Variants in PTPRD observed in about 807,000 individuals in gnomAD.
The protein encoded by PTPRD is protein tyrosine phosphatase receptor type D, also known as receptor-type tyrosine-protein phosphatase delta.
PTPRD carries 34 observed loss-of-function variants against 214.5 expected under a neutral mutation model. The ratio of observed to expected loss-of-function variants is 0.16; its 90% CI spans 0.12 to 0.21. The LOEUF is 0.21. Ranked by LOEUF, PTPRD falls within the 10% of genes least tolerant of loss-of-function variation. The pLI is 1.00. For missense variants in PTPRD, 2,545 were observed against 2,398.7 expected, an observed-to-expected ratio of 1.06 and a Z score of -1.27; for synonymous variants, 1,128 against 845.7, an observed-to-expected ratio of 1.33 and a Z score of -5.79.
chr9:9,589,145 G>C (rs941917418), intron 7 of PTPRD, among the ~76,000 whole-genome samples: 5 of 151,912 alleles, frequency 3.3e-5, no homozygotes, highest in Non-Finnish European at 7.4e-5. Flanking sequence ...GTATGAAATT[G>C]TGAAAACTGT....
At chr9:8,624,864 A>G (rs1432204337) in intron 14 of PTPRD, among the ~76,000 whole-genome samples, 1 of 151,774 alleles carries the variant, frequency 6.6e-6, no homozygotes, top group Non-Finnish European at 1.5e-5. Context: ...TTGACTCTCA[A>G]TCACGCTCTT....
intron 9 of PTPRD, among the ~76,000 whole-genome samples, chr9:9,385,123 T>C (rs2063491366): frequency 6.6e-6 from 1 of 152,078 alleles, no homozygotes; most frequent in South Asian, 2.1e-4. Context: ...GTAGACATAA[T>C]ATCAACAGAA....
chr9:8,919,555 G>C (rs1460865218), intron 11 of PTPRD, among the ~76,000 whole-genome samples: 1 of 151,996 alleles, frequency 6.6e-6, no homozygotes, highest in Non-Finnish European at 1.5e-5. Flanking sequence ...TGATTAATGA[G>C]GGCATTGTGT....
chr9:8,482,326 C>G (rs2096904997), intron 30 of PTPRD, among the ~76,000 whole-genome samples: 1 of 152,080 alleles, frequency 6.6e-6, no homozygotes, highest in Non-Finnish European at 1.5e-5. Flanking sequence ...TCATGTCTAC[C>G]TCTGCATCCT....
chr9:10,381,777 G>A (rs1199211873), intron 2 of PTPRD, among the ~76,000 whole-genome samples: 2 of 151,844 alleles, frequency 1.3e-5, no homozygotes, highest in Non-Finnish European at 2.9e-5. Flanking sequence ...TAGTGTGGAG[G>A]AAAATAATAT....
intron 7 of PTPRD, among the ~76,000 whole-genome samples, chr9:9,646,352 T>G (rs1299451040): frequency 2.0e-5 from 3 of 150,842 alleles, no homozygotes; most frequent in Middle Eastern, 3.4e-3. Flanking sequence ...TGGGTGTGTG[T>G]GTGTGTGTGT....
intron 9 of PTPRD, among the ~76,000 whole-genome samples, chr9:9,331,966 C>T (rs187971698): frequency 2.0e-5 from 3 of 152,060 alleles, no homozygotes; most frequent in African/African-American, 7.2e-5. Flanking sequence ...TGAAGAACAT[C>T]CCCCCACCTC....
Position 9,722,577 on chromosome 9 carries a change from C to T in PTPRD, c.-287+11956G>A, listed in dbSNP as rs1288091732. On this transcript the variant is annotated intron_variant, in intron 7 of 45. Coordinates refer to ENST00000381196, the MANE Select transcript of PTPRD (RefSeq NM_002839.4). ...CATATATTTTCATTTTTCTTGTGTA[C>T]ATACCTAAGAGTAGAATTTCCAAGT... is the stretch of plus-strand genomic sequence containing the variant. 3.3e-5 allele frequency among the ~76,000 whole-genome samples: 5 copies of T among 151,974 alleles called. No homozygotes were observed. In the East Asian group the frequency reaches 7.7e-4, roughly 23 times the overall value.
chr9:10,202,962 T>C (rs1159331974), intron 3 of PTPRD, among the ~76,000 whole-genome samples: 2 of 151,718 alleles, frequency 1.3e-5, no homozygotes, highest in African/African-American at 4.8e-5. Context: ...TGAGAAATAA[T>C]TTCTGTCATT....
intron 10 of PTPRD, among the ~76,000 whole-genome samples, chr9:9,121,090 A>C (rs915680682): frequency 6.6e-6 from 1 of 152,228 alleles, no homozygotes; most frequent in African/African-American, 2.4e-5. Context: ...TTTCAGTTCA[A>C]ATACTTATTG....
intron 14 of PTPRD, among the ~76,000 whole-genome samples, chr9:8,583,945 C>T (rs757530176): frequency 2.0e-5 from 3 of 152,174 alleles, no homozygotes; most frequent in South Asian, 2.1e-4. Context: ...TGAGCTTAGG[C>T]GTTTGAGATC....
intron 3 of PTPRD, among the ~76,000 whole-genome samples, chr9:10,197,884 T>C (rs2154330407): frequency 6.6e-6 from 1 of 152,168 alleles, no homozygotes; most frequent in African/African-American, 2.4e-5. Context: ...GACCCAAAAA[T>C]AGCTTTCAGA....
intron 3 of PTPRD, among the ~76,000 whole-genome samples, chr9:10,301,879 T>C (rs1305782439): frequency 2.0e-5 from 3 of 152,134 alleles, no homozygotes. Context: ...TTCACCAACG[T>C]AGCAAGACAG....
intron 43 of PTPRD, among the ~76,000 whole-genome samples, chr9:8,337,693 A>C (rs193267936): frequency 2.6e-5 from 4 of 151,904 alleles, no homozygotes; most frequent in Admixed American, 6.6e-5. Flanking sequence ...TTCCGGTTTC[A>C]ATCTTCTTTT....
At chr9:9,364,008 C>A in intron 9 of PTPRD, among the ~76,000 whole-genome samples, 1 of 151,278 alleles carries the variant, frequency 6.6e-6, no homozygotes. Context: ...AGGCTAATAC[C>A]ACTTTAGAAA....
intron 43 of PTPRD, among the ~76,000 whole-genome samples, chr9:8,336,261 C>T (rs180844718): frequency 1.2e-4 from 18 of 148,684 alleles, no homozygotes; most frequent in African/African-American, 4.4e-4. Context: ...AGATATAGAC[C>T]AATGGAACAG....
At chr9:9,455,438 T>C (rs571564468) in intron 8 of PTPRD, among the ~76,000 whole-genome samples, 2 of 151,738 alleles carry the variant, frequency 1.3e-5, no homozygotes, top group South Asian at 4.1e-4. Flanking sequence ...ATCATAACAA[T>C]ACCAACAGTG....
At chr9:9,395,204 A>T (rs1364042374) in intron 9 of PTPRD, among the ~76,000 whole-genome samples, 1 of 150,622 alleles carries the variant, frequency 6.6e-6, no homozygotes, top group Non-Finnish European at 1.5e-5. Context: ...AAAAAAAAGT[A>T]TGGGGTCTAA....
chr9:10,585,249 T>C (rs964108442), intron 2 of PTPRD, among the ~76,000 whole-genome samples: 1 of 152,010 alleles, frequency 6.6e-6, no homozygotes, highest in East Asian at 1.9e-4. Context: ...AATATTGAAG[T>C]AATAACTTAT....
Sources: gnomAD v4.1 joint callset for allele counts (sites outside exome capture counted in the v4.1 genomes callset) on GRCh38, gnomAD v4.1.1 for gene constraint, MANE v1.5 for transcripts, NCBI Gene and HGNC (gene_info 2026-07-23, HGNC 2026-07-21) for gene names.